RBL1: variants seen among roughly 807,000 people sequenced by gnomAD.
RBL1 encodes RB transcriptional corepressor like 1, also known as retinoblastoma-like protein 1.
In RBL1, 82 loss-of-function variants were observed where a neutral mutation model predicts 123.0. That is an observed-to-expected ratio of 0.67 (90% CI 0.56 to 0.80). The LOEUF is 0.80. RBL1 is among the 30% of genes least tolerant of loss of function. RBL1 has a pLI of 0.00. For missense variants in RBL1, 1,171 were observed against 1,299.6 expected, an observed-to-expected ratio of 0.90 and a Z score of 1.52; for synonymous variants, 405 against 441.3, an observed-to-expected ratio of 0.92 and a Z score of 1.03.
At chr20:37,017,870 C>T (rs550743212) in intron 19 of RBL1, among the ~76,000 whole-genome samples, 10 of 152,118 alleles carry the variant, frequency 6.6e-5, no homozygotes, top group South Asian at 4.2e-4. Flanking sequence ...CTCTTGAACT[C>T]GTGATCCACC....
At chr20:37,005,612 A>G (rs896272573) in intron 20 of RBL1, among the ~76,000 whole-genome samples, 2 of 152,168 alleles carry the variant, frequency 1.3e-5, no homozygotes, top group African/African-American at 2.4e-5. Flanking sequence ...GGAAATGGAA[A>G]AGATTTATAA....
chr20:37,070,724 C>T (rs946170288), intron 2 of RBL1, among the ~76,000 whole-genome samples: 1 of 152,072 alleles, frequency 6.6e-6, no homozygotes, highest in Non-Finnish European at 1.5e-5. Flanking sequence ...AGTGCAGTGG[C>T]ACCACCTTGG....
At position 37,062,134 on chromosome 20, in the gene RBL1, G is replaced by C. The variant is rs2065105730; in HGVS notation, c.1033C>G (p.Leu345Val). Residue 345 changes from leucine (L) to valine (V), a missense_variant, in exon 8 of 22, where the codon CTG becomes GTG. Transcript: ENST00000373664. ...KFTRDTPLGK[L>V]TAQANVEYNL... ...TACTCCACATTAGCCTGTGCTGTCA[G>C]TTTCCCTAATGGGGTGTCACGAGTG... The C allele has an allele frequency of 8.1e-6, 13 of 1,614,048 alleles. 2 individuals carry two copies. In the South Asian group the frequency reaches 1.2e-4, roughly 15 times the overall value.
chr20:37,077,171 G>A (rs530372096), intron 2 of RBL1, among the ~76,000 whole-genome samples: 5 of 152,054 alleles, frequency 3.3e-5, no homozygotes, highest in Non-Finnish European at 7.4e-5. Context: ...GCCTGACCTC[G>A]ATGATCTGCC....
chr20:37,000,787 G>T (rs1481481722), intron 21 of RBL1, among the ~76,000 whole-genome samples: 6 of 137,692 alleles, frequency 4.4e-5, no homozygotes, highest in Admixed American at 7.0e-5. Flanking sequence ...TCAGCCCCCC[G>T]CCCGGCCAGC....
chr20:37,060,158 G>T (rs1331857504), intron 9 of RBL1, among the ~76,000 whole-genome samples: 2 of 150,514 alleles, frequency 1.3e-5, no homozygotes, highest in Non-Finnish European at 2.9e-5. Context: ...GGCAACAAGA[G>T]TGAAACTCTG....
intron 11 of RBL1, among the ~76,000 whole-genome samples, chr20:37,049,938 T>C (rs997425178): frequency 2.0e-5 from 3 of 151,798 alleles, no homozygotes; most frequent in Admixed American, 1.3e-4. Flanking sequence ...GGCGCATCCC[T>C]GTAATCCTAG....
At chr20:37,003,900 A>G in intron 20 of RBL1, 34 bp from the exon 21 acceptor site, 1 of 1,550,066 alleles carries the variant, frequency 6.5e-7, no homozygotes, top group South Asian at 1.2e-5. Flanking sequence ...TTTTTAGATA[A>G]AAGTTTTTCT....
At position 37,056,612 on chromosome 20, in the gene RBL1, C is replaced by T. The variant is rs1484319299; in HGVS notation, c.1251-354G>A. 2.0e-5 allele frequency among the ~76,000 whole-genome samples: 3 copies of T among 152,196 alleles called. No homozygotes were observed. The East Asian group carries it at 5.8e-4, about 29-fold the overall frequency. ...TTGTGATCCACCCACCTCAGCCTCC[C>T]AAAATGCTGGGATTACAGGCATGAG... is the stretch of plus-strand genomic sequence containing the variant. On this transcript the variant is annotated intron_variant, in intron 9 of 21. Transcript: ENST00000373664.
chr20:37,071,748 T>G (rs2065284727), intron 2 of RBL1, among the ~76,000 whole-genome samples: 1 of 152,184 alleles, frequency 6.6e-6, no homozygotes, highest in Non-Finnish European at 1.5e-5. Flanking sequence ...CTTGGTGCTC[T>G]CCTCATGGTA....
rs868389764 is a variant in RBL1 at position 37,001,939 on chromosome 20, A to C, written c.3036+1763T>G. Among the ~76,000 whole-genome samples, 478 of 150,318 alleles carry C rather than the reference A, an allele frequency of 3.2e-3. 2 individuals carry two copies. The highest frequency in any genetic ancestry group is 9.5e-3 in the African/African-American group (388 of 40,850). The stretch of plus-strand genomic sequence containing the variant: ...ACAATAAAAAAAAAAAAAAAAAAAA[A>C]AAACAAACCAAACCAATCCAAACCA... On this transcript the variant is annotated intron_variant, in intron 21 of 21. Coordinates refer to ENST00000373664, the MANE Select transcript of RBL1 (RefSeq NM_002895.5).
intron 16 of RBL1, among the ~76,000 whole-genome samples, chr20:37,030,397 C>T (rs1431019246): frequency 6.6e-6 from 1 of 152,176 alleles, no homozygotes; most frequent in Non-Finnish European, 1.5e-5. Flanking sequence ...AAAAGAATGA[C>T]TTTAGACCCT....
chr20:37,078,034 T>C (rs1054823478), intron 2 of RBL1, among the ~76,000 whole-genome samples: 2 of 152,220 alleles, frequency 1.3e-5, no homozygotes, highest in Non-Finnish European at 2.9e-5. Context: ...ACGAACATTT[T>C]AGAAGACAAT....
chr20:37,050,735 G>A (rs2064896446), intron 11 of RBL1, among the ~76,000 whole-genome samples: 1 of 151,608 alleles, frequency 6.6e-6, no homozygotes, highest in South Asian at 2.1e-4. Context: ...TGCAGGGCAT[G>A]AATTTCTAGA....
intron 11 of RBL1, among the ~76,000 whole-genome samples, chr20:37,054,058 C>CAT (rs2064964933): frequency 6.6e-6 from 1 of 150,978 alleles, no homozygotes; most frequent in Non-Finnish European, 1.5e-5. Context: ...CACACACACA[C>CAT]TGTTTTAATG....
rs896854607 is a variant in RBL1, at chr20:37,095,719, A to G, written c.156+54T>C. On this transcript the variant is annotated intron_variant, in intron 1 of 21. Coordinates refer to ENST00000373664, the MANE Select transcript of RBL1 (RefSeq NM_002895.5). The stretch of plus-strand genomic sequence containing the variant: ...CCATAGGCCGAGGAAGGGGCGGGGC[A>G]GGGGTGGGGCCTGGCGAGGGTAGGG... The G allele has an allele frequency of 1.2e-5, 17 of 1,471,596 alleles. No individual in the cohort carries two copies. The East Asian group carries it at 3.6e-4, about 31-fold the overall frequency. The allele number at this position is 1,471,596 out of a possible 1,614,324, so 91.2% of individuals were successfully genotyped here.
At chr20:37,018,902 C>T (rs571481468) in intron 18 of RBL1, among the ~76,000 whole-genome samples, 5 of 152,200 alleles carry the variant, frequency 3.3e-5, no homozygotes, top group South Asian at 4.2e-4. Context: ...GAGCTGAGAT[C>T]GCACCACTGC....
Position 37,003,835 on chromosome 20 carries a change from T to G in RBL1, c.2903A>C (p.His968Pro). ...MDAPPLSPFP[H>P]IKQQPGSPRR... is the part of the protein sequence containing the mutation. ...TGGTGAGCCTGGCTGTTGTTTAATA[T>G]GTGGAAAAGGAGAGAGTGGTGGAGC... The change falls in exon 21 of 22, where the codon CAT becomes CCT. Residue 968 changes from histidine (H) to proline (P), a missense_variant. Coordinates refer to ENST00000373664, the MANE Select transcript of RBL1 (RefSeq NM_002895.5). 6.2e-7 allele frequency: 1 copy of G among 1,613,794 alleles called. No individual in the cohort carries two copies. The highest frequency in any genetic ancestry group is 8.5e-7 in the Non-Finnish European group (1 of 1,179,896).
At chr20:37,074,989 G>A (rs1198072792) in intron 2 of RBL1, among the ~76,000 whole-genome samples, 1 of 152,120 alleles carries the variant, frequency 6.6e-6, no homozygotes, top group Admixed American at 6.5e-5. Flanking sequence ...ACTGATAAAT[G>A]GATAAACAAA....
Sources: gnomAD v4.1 joint callset for allele counts (sites outside exome capture counted in the v4.1 genomes callset) on GRCh38, gnomAD v4.1.1 for gene constraint, MANE v1.5 for transcripts, NCBI Gene and HGNC (gene_info 2026-07-23, HGNC 2026-07-21) for gene names.